The following SCLT1 variants were observed in gnomAD, a reference collection of about 807,000 sequenced individuals.
SCLT1 encodes sodium channel-associated protein 1.
Under a neutral mutation model 112.8 loss-of-function variants are expected in SCLT1, and 78 were observed. The observed-to-expected ratio is 0.69, with a 90% CI of 0.58 to 0.83. SCLT1 has a LOEUF of 0.83. Ranked by LOEUF, SCLT1 falls within the 40% of genes least tolerant of loss-of-function variation. The pLI is 0.00. For synonymous variants in SCLT1, 257 were observed against 254.7 expected, an observed-to-expected ratio of 1.01 and a Z score of -0.09; for missense variants, 747 against 770.4, an observed-to-expected ratio of 0.97 and a Z score of 0.36.
At chr4:128,968,599 C>T (rs1740410295) in intron 10 of SCLT1, among the ~76,000 whole-genome samples, 1 of 152,162 alleles carries the variant, frequency 6.6e-6, no homozygotes, top group Non-Finnish European at 1.5e-5. Flanking sequence ...CCCTCAGCAC[C>T]TCCCCCACAA....
At chr4:128,902,662 T>C (rs981944827) in intron 18 of SCLT1, among the ~76,000 whole-genome samples, 1 of 152,208 alleles carries the variant, frequency 6.6e-6, no homozygotes, top group Non-Finnish European at 1.5e-5. Context: ...GACATTACTT[T>C]ACACTTCTGT....
intron 9 of SCLT1, 184 bp from the exon 10 acceptor site, chr4:128,970,652 A>C (rs1303458474): frequency 1.8e-6 from 1 of 544,962 alleles, no homozygotes; most frequent in Non-Finnish European, 3.2e-6. Flanking sequence ...ATTAAAGAGG[A>C]AAAAATATAG....
chr4:128,959,431 T>C (rs1446113824), intron 12 of SCLT1, among the ~76,000 whole-genome samples, 169 bp downstream of exon 12: 1 of 152,180 alleles, frequency 6.6e-6, no homozygotes, highest in Admixed American at 6.5e-5. Flanking sequence ...TTTTATCATA[T>C]GATGATATCT....
intron 14 of SCLT1, 52 bp downstream of exon 14, chr4:128,952,717 G>T: frequency 1.0e-6 from 1 of 975,330 alleles, no homozygotes; most frequent in Non-Finnish European, 1.7e-6. Context: ...ATATATCTTG[G>T]CCTTTAAAAT....
chr4:128,955,742 T>C (rs1368508380), intron 13 of SCLT1, among the ~76,000 whole-genome samples: 1 of 152,224 alleles, frequency 6.6e-6, no homozygotes, highest in Non-Finnish European at 1.5e-5. Context: ...TTTTCATTTA[T>C]ACATATTTTC....
At chr4:128,962,885 C>T (rs1226377081) in intron 11 of SCLT1, among the ~76,000 whole-genome samples, 2 of 152,154 alleles carry the variant, frequency 1.3e-5, no homozygotes, top group African/African-American at 4.8e-5. Context: ...TTCTGTTTTT[C>T]AATCACTTTC....
rs980244475 is a variant in SCLT1 at position 129,003,467 on chromosome 4, G to GA, written c.426+273dup. ...AAAAAAGAAAAAGAAAAAAAAGAAA[G>GA]AAAAAATATTCTCATAAGAAAAAAA... On this transcript the variant is annotated intron_variant, in intron 6 of 20. Transcript: ENST00000281142. Among the ~76,000 whole-genome samples, 9 of 147,120 alleles carry GA rather than the reference G, an allele frequency of 6.1e-5. No individual in the cohort carries two copies. In the Middle Eastern group the frequency reaches 0.018, roughly 292 times the overall value.
intron 18 of SCLT1, among the ~76,000 whole-genome samples, chr4:128,897,066 C>T (rs1009443507): frequency 3.8e-4 from 58 of 152,252 alleles, no homozygotes; most frequent in African/African-American, 1.3e-3. Context: ...CTGAAAGTGA[C>T]GGGGAGAATG....
At chr4:129,092,831 TAACA>T (rs1752968792) in intron 1 of SCLT1, among the ~76,000 whole-genome samples, 2 of 152,300 alleles carry the variant, frequency 1.3e-5, no homozygotes, top group Non-Finnish European at 2.9e-5. Context: ...GAGAGGAGCA[TAACA>T]AACATGTTTA....
At chr4:128,894,484 G>T (rs1331616197) in intron 18 of SCLT1, among the ~76,000 whole-genome samples, 2 of 151,646 alleles carry the variant, frequency 1.3e-5, no homozygotes, top group Non-Finnish European at 2.9e-5. Context: ...TACTTGGAAA[G>T]CTAGCAATTA....
At chr4:129,051,687 T>C (rs1281677556) in intron 2 of SCLT1, among the ~76,000 whole-genome samples, 1 of 152,330 alleles carries the variant, frequency 6.6e-6, no homozygotes, top group Middle Eastern at 3.4e-3. Context: ...ACAATATGAC[T>C]TCCTCTTTTC....
At chr4:128,902,792 T>G (rs1734421173) in intron 18 of SCLT1, among the ~76,000 whole-genome samples, 1 of 152,216 alleles carries the variant, frequency 6.6e-6, no homozygotes, top group Non-Finnish European at 1.5e-5. Context: ...TTTTTTAACT[T>G]TTGACTCTAA....
intron 20 of SCLT1, 39 bp downstream of exon 20, chr4:128,888,640 G>T (rs1230582915): frequency 5.0e-6 from 6 of 1,190,764 alleles, no homozygotes. Flanking sequence ...ACTTATCTTT[G>T]AACTGTTTAT....
Position 128,992,231 on chromosome 4 carries a change from G to C in SCLT1, c.622C>G (p.Gln208Glu). 6.3e-7 allele frequency: 1 copy of C among 1,592,938 alleles called. No homozygotes were observed. The highest frequency in any genetic ancestry group is 2.2e-5 in the East Asian group (1 of 44,508). Reference protein sequence around the residue: ...VTNENMEVTNQQFLKTVTEQS... With the variant: ...VTNENMEVTNEQFLKTVTEQS... Reference sequence around the variant, plus strand: ...TCAGTTACTGTTTTCAGAAACTGTTGGTTAGTCTGCCACAAGAAAAAAAAA... The same window carrying C: ...TCAGTTACTGTTTTCAGAAACTGTTCGTTAGTCTGCCACAAGAAAAAAAAA... Residue 208 changes from glutamine to glutamate, a missense_variant, in exon 9 of 21, where the codon CAA becomes GAA. Coordinates refer to ENST00000281142, the MANE Select transcript of SCLT1 (RefSeq NM_144643.4).
intron 17 of SCLT1, among the ~76,000 whole-genome samples, chr4:128,942,698 A>G (rs1314921031): frequency 1.3e-5 from 2 of 152,258 alleles, no homozygotes; most frequent in Non-Finnish European, 2.9e-5. Flanking sequence ...GGCAGTCTGT[A>G]AAGTTATCTA....
chr4:128,975,129 C>T (rs548152125), intron 9 of SCLT1, among the ~76,000 whole-genome samples: 178 of 142,440 alleles, frequency 1.2e-3, no homozygotes, highest in Non-Finnish European at 1.7e-3. Flanking sequence ...AGCTCCGCCT[C>T]CTGGGTTCAC....
At chr4:128,933,487 AC>A (rs552239792) in intron 18 of SCLT1, among the ~76,000 whole-genome samples, 258 of 152,190 alleles carry the variant, frequency 1.7e-3, no homozygotes, top group Admixed American at 5.4e-3. Flanking sequence ...TTTTGATGTG[AC>A]CCCAGTAATC....
intron 2 of SCLT1, among the ~76,000 whole-genome samples, chr4:129,064,976 A>G (rs1038574722): frequency 1.1e-4 from 16 of 152,140 alleles, no homozygotes; most frequent in African/African-American, 3.4e-4. Flanking sequence ...AGTGTTCTAC[A>G]TAAGTCATTT....
At chr4:129,059,128 G>C (rs1749718277) in intron 2 of SCLT1, among the ~76,000 whole-genome samples, 1 of 152,142 alleles carries the variant, frequency 6.6e-6, no homozygotes, top group Non-Finnish European at 1.5e-5. Flanking sequence ...CATTTGAGTA[G>C]AGTATCTTTT....
Sources: gnomAD v4.1 joint callset for allele counts (sites outside exome capture counted in the v4.1 genomes callset) on GRCh38, gnomAD v4.1.1 for gene constraint, MANE v1.5 for transcripts, NCBI Gene and HGNC (gene_info 2026-07-23, HGNC 2026-07-21) for gene names.